The following NID2 variants were observed in gnomAD, a reference collection of about 807,000 sequenced individuals.
NID2 encodes the protein nidogen-2.
Under a neutral mutation model 145.4 loss-of-function variants are expected in NID2, and 83 were observed. The observed-to-expected ratio is 0.57, with a 90% CI of 0.48 to 0.69. NID2 has a LOEUF of 0.69. Ranked by LOEUF, NID2 falls within the 30% of genes least tolerant of loss-of-function variation. The pLI, the probability that NID2 is intolerant of heterozygous loss-of-function variation, is 0.00. For synonymous variants in NID2, 739 were observed against 701.3 expected, an observed-to-expected ratio of 1.05 and a Z score of -0.85; for missense variants, 1,807 against 1,765.7, an observed-to-expected ratio of 1.02 and a Z score of -0.42.
At position 52,068,776 on chromosome 14, in the gene NID2, G is replaced by A; in HGVS notation, c.219C>T (p.Ser73=). 6.2e-7 allele frequency: 1 copy of A among 1,603,420 alleles called. No homozygotes were observed. Among genetic ancestry groups the A allele is most frequent in the Non-Finnish European group, 8.5e-7 (1 of 1,179,088 alleles). Residue 73 remains serine, a synonymous_variant, in exon 1 of 22, where the codon AGC becomes AGT. Transcript: ENST00000216286. ...AGGGGGCTGAACTTACGTAGAGGTT[G>A]CTGAATCGGGCTTCGTAGAAGTGCA... ...NPLHFYEARF[S]NLYVGTNGII...
Position 52,013,267 on chromosome 14 carries a change from A to G in NID2, c.3420+1020T>C, listed in dbSNP as rs76248263. On this transcript the variant is annotated intron_variant, in intron 16 of 21. Transcript: ENST00000216286. ...GGTCAGGGGCATGTTCAGAAAGGCA[A>G]TCAAGCTCTATGACTTGAATAAAAG... Among the ~76,000 whole-genome samples the G allele has an allele frequency of 9.4e-4, 143 of 152,320 alleles. 2 individuals are homozygous for G. In the East Asian group the frequency reaches 0.019, roughly 21 times the overall value.
Position 52,005,229 on chromosome 14 carries a change from T to G in NID2, c.*257A>C, listed in dbSNP as rs1736116046. ...TTAATGATAAATGTTTACAAGAAGT[T>G]GCTTTAATAAGCAACAGTTAAAATT... On this transcript the variant is annotated 3_prime_UTR_variant, in exon 22 of 22. Transcript: ENST00000216286. 2.8e-6 allele frequency: 1 copy of G among 362,836 alleles called. No homozygotes were observed. Among genetic ancestry groups the G allele is most frequent in the Non-Finnish European group, 4.9e-6 (1 of 203,016 alleles). The allele number at this position is 362,836 out of a possible 1,614,324, so 22.5% of individuals were successfully genotyped here. A position where few individuals can be genotyped will look rare whatever the true frequency, so the allele number is the denominator to read the frequency against.
At chr14:52,014,238 A>C in intron 16 of NID2, 49 bp downstream of exon 16, 1 of 1,610,850 alleles carries the variant, frequency 6.2e-7, no homozygotes, top group Non-Finnish European at 8.5e-7. Context: ...GGTGGCTCCC[A>C]CTGGGAAAGC....
chr14:52,053,731 C>A lies in NID2; in HGVS notation c.1277G>T (p.Gly426Val). Residue 426 changes from glycine (G) to valine (V), a missense_variant, in exon 5 of 22, where the codon GGA (glycine) becomes GTA (valine). By Grantham distance (109) the Gly-to-Val change is moderately radical. Transcript: ENST00000216286. Reference sequence around the variant, plus strand: ...ATCCATTTCCGAAGGCACTGGCCCTCCATCTGGGTAGGGCTGGATGCTTCC... The same window carrying A: ...ATCCATTTCCGAAGGCACTGGCCCTACATCTGGGTAGGGCTGGATGCTTCC... ...ENGSIQPYPD[G>V]GPVPSEMDVP... The A allele has an allele frequency of 1.2e-6, 2 of 1,614,240 alleles. No homozygotes were observed. The highest frequency in any genetic ancestry group is 1.7e-6 in the Non-Finnish European group (2 of 1,180,048).
At chr14:52,029,823 A>C (rs890128140) in intron 9 of NID2, 133 bp from the exon 10 acceptor site, 14 of 700,750 alleles carry the variant, frequency 2.0e-5, no homozygotes, top group Non-Finnish European at 3.0e-5. Context: ...TAAATTATCC[A>C]TATCTGAAGC....
chr14:52,068,999 G>C lies in NID2; in HGVS notation c.-5C>G, dbSNP rs1034083228. The C allele has an allele frequency of 6.2e-7, 1 of 1,602,554 alleles. No individual in the cohort carries two copies. The highest frequency in any genetic ancestry group is 8.5e-7 in the Non-Finnish European group (1 of 1,173,700). On this transcript the variant is annotated 5_prime_UTR_variant, in exon 1 of 22. Coordinates refer to ENST00000216286, the MANE Select transcript of NID2 (RefSeq NM_007361.4). ...GGCCACCCGGTCCCCCTCCATGCTC[G>C]CTCGGCCGTGCGCTTACCCGCTGCA... is the stretch of plus-strand genomic sequence containing the variant.
chr14:52,028,052 A>C (rs1045659640), intron 11 of NID2, among the ~76,000 whole-genome samples: 2 of 152,210 alleles, frequency 1.3e-5, no homozygotes, highest in Non-Finnish European at 2.9e-5. Context: ...GCATCAGTGA[A>C]TTATAAATCC....
At position 52,038,935 on chromosome 14, in the gene NID2, C is replaced by T. The variant is rs111460890; in HGVS notation, c.2069G>A (p.Gly690Asp). Residue 690 changes from glycine (G) to aspartate (D), a missense_variant, in exon 9 of 22, where the codon GGT (glycine) becomes GAT (aspartate). By Grantham distance (94) the Gly-to-Asp change is moderately conservative. Transcript: ENST00000216286. ...TSSRDYSLTFGAINQTWSYRI... is the reference protein window; with the variant it reads ...TSSRDYSLTFDAINQTWSYRI... ...GTAGGACCATGTTTGGTTGATTGCA[C>T]CAAAAGTCAGAGAGTAGTCTCTGGA... is the stretch of plus-strand genomic sequence containing the variant. The T allele has an allele frequency of 1.9e-6, 3 of 1,613,752 alleles. No individual in the cohort carries two copies. Among genetic ancestry groups the T allele is most frequent in the Non-Finnish European group, 2.5e-6 (3 of 1,179,890 alleles).
At position 52,068,059 on chromosome 14, in the gene NID2, C is replaced by T. The variant is rs763769943; in HGVS notation, c.333G>A (p.Ala111=). 6.2e-7 allele frequency: 1 copy of T among 1,613,752 alleles called. No homozygotes were observed. The highest frequency in any genetic ancestry group is 8.5e-7 in the Non-Finnish European group (1 of 1,179,884). Residue 111 remains alanine (A), a synonymous_variant, in exon 2 of 22, where the codon GCG becomes GCA. Coordinates refer to ENST00000216286, the MANE Select transcript of NID2 (RefSeq NM_007361.4). ...TDFPAIAPFL[A]DIDTSHGRGR... is the part of the protein sequence containing the mutation. ...CTCTGCCGTGGCTCGTGTCGATGTC[C>T]GCCAGAAAAGGGGCGATGGCCGGGA...
chr14:52,027,641 C>CACAG, intron 11 of NID2, among the ~76,000 whole-genome samples: 1 of 149,990 alleles, frequency 6.7e-6, no homozygotes, highest in African/African-American at 2.4e-5. Context: ...GCTACACACA[C>CACAG]ACACACACAC....
intron 5 of NID2, among the ~76,000 whole-genome samples, chr14:52,050,769 G>A (rs866897258): frequency 4.9e-4 from 75 of 152,206 alleles, no homozygotes; most frequent in Middle Eastern, 3.4e-3. Flanking sequence ...CACCACACCC[G>A]GCTAATTTTT....
intron 12 of NID2, among the ~76,000 whole-genome samples, chr14:52,023,573 G>T (rs1031991373): frequency 1.3e-5 from 2 of 152,146 alleles, no homozygotes; most frequent in Non-Finnish European, 2.9e-5. Context: ...ATGGCTCTGG[G>T]TAATGGGCCA....
At chr14:52,014,147 G>T in intron 16 of NID2, 140 bp downstream of exon 16, 1 of 1,035,910 alleles carries the variant, frequency 9.7e-7, no homozygotes. Context: ...GGTGGCATCG[G>T]GCCCATGCCG....
intron 5 of NID2, among the ~76,000 whole-genome samples, chr14:52,051,372 A>C (rs1013976021): frequency 2.0e-5 from 3 of 152,166 alleles, no homozygotes; most frequent in Non-Finnish European, 4.4e-5. Context: ...TCTGTTTTAG[A>C]GCTGAGGAGA....
intron 18 of NID2, chr14:52,009,243 T>G (rs1890915463): frequency 6.6e-6 from 1 of 152,214 alleles, no homozygotes; most frequent in East Asian, 1.9e-4. Context: ...GGGTACAGCA[T>G]GCATATCATT....
At position 52,068,009 on chromosome 14, in the gene NID2, G is replaced by A; in HGVS notation, c.383C>T (p.Thr128Ile). The A allele has an allele frequency of 1.2e-6, 2 of 1,612,642 alleles. No homozygotes were observed. The highest frequency in any genetic ancestry group is 1.7e-6 in the Non-Finnish European group (2 of 1,179,076). Residue 128 changes from threonine (T) to isoleucine (I), a missense_variant, in exon 2 of 22, where the codon ACC becomes ATC. Physicochemically the swap from Thr to Ile is moderately conservative, Grantham distance 89 (BLOSUM62 -1). Coordinates refer to ENST00000216286, the MANE Select transcript of NID2 (RefSeq NM_007361.4). ...GGCCAGGCCCAGCACTGCGGGGGAG[G>A]TGTCCTCTCGGTACAGGACTCGGCC... ...GRGRVLYRED[T>I]SPAVLGLAAR... is the part of the protein sequence containing the mutation.
chr14:52,021,560 CTT>C (rs1238527730), intron 12 of NID2, among the ~76,000 whole-genome samples: 1 of 152,178 alleles, frequency 6.6e-6, no homozygotes, highest in Middle Eastern at 3.2e-3. Context: ...AGAGGAATCT[CTT>C]ATGTTATAAT....
chr14:52,029,134 A>G (rs1457779934), intron 10 of NID2, among the ~76,000 whole-genome samples: 1 of 152,228 alleles, frequency 6.6e-6, no homozygotes. Context: ...AAGAAAACCA[A>G]CAATTTTTTT....
intron 14 of NID2, among the ~76,000 whole-genome samples, chr14:52,015,659 G>C (rs1891192156): frequency 6.6e-6 from 1 of 152,218 alleles, no homozygotes; most frequent in Non-Finnish European, 1.5e-5. Context: ...TCTGCTGACA[G>C]AGCACTTGTG....
Sources: gnomAD v4.1 joint callset for allele counts (sites outside exome capture counted in the v4.1 genomes callset) on GRCh38, gnomAD v4.1.1 for gene constraint, MANE v1.5 for transcripts, NCBI Gene and HGNC (gene_info 2026-07-23, HGNC 2026-07-21) for gene names.